MARCHF1: variants seen among roughly 807,000 people sequenced by gnomAD.
The protein encoded by MARCHF1 is E3 ubiquitin-protein ligase MARCHF1.
Under a neutral mutation model 54.2 loss-of-function variants are expected in MARCHF1, and 40 were observed. The ratio of observed to expected loss-of-function variants is 0.74; its 90% CI spans 0.57 to 0.96. The LOEUF is 0.96. Ranked by LOEUF, MARCHF1 falls within the 40% of genes least tolerant of loss-of-function variation. The pLI is 0.00. For missense variants in MARCHF1, 586 were observed against 656.5 expected (o/e 0.89, Z 1.17); for synonymous variants, 236 against 236.3 (o/e 1.00, Z 0.01).
At chr4:164,220,657 A>G (rs1436634600) in intron 1 of MARCHF1, among the ~76,000 whole-genome samples, 2 of 141,760 alleles carry the variant, frequency 1.4e-5, no homozygotes, top group African/African-American at 5.4e-5. Context: ...GCATATATGT[A>G]ATATATATGC....
chr4:163,947,089 G>C (rs1215223436), intron 3 of MARCHF1, among the ~76,000 whole-genome samples: 2 of 152,126 alleles, frequency 1.3e-5, no homozygotes, highest in Non-Finnish European at 1.5e-5. Context: ...GACTCAGCAA[G>C]TGTACATAGA....
At chr4:163,575,184 T>A (rs1304216152) in intron 8 of MARCHF1, among the ~76,000 whole-genome samples, 1 of 152,202 alleles carries the variant, frequency 6.6e-6, no homozygotes, top group Non-Finnish European at 1.5e-5. Context: ...TAGATGTAGA[T>A]GGCTCTTATT....
At chr4:163,978,836 C>G (rs1418620659) in intron 3 of MARCHF1, among the ~76,000 whole-genome samples, 1 of 152,016 alleles carries the variant, frequency 6.6e-6, no homozygotes, top group African/African-American at 2.4e-5. Context: ...AGCCTCCAAT[C>G]TCAAGCTCCC....
chr4:163,770,492 T>C (rs1244420090), intron 4 of MARCHF1, among the ~76,000 whole-genome samples: 1 of 151,034 alleles, frequency 6.6e-6, no homozygotes, highest in African/African-American at 2.4e-5. Context: ...CATAGAAGCA[T>C]AGTTGTTAGA....
At chr4:163,783,412 C>A (rs113840543) in intron 4 of MARCHF1, among the ~76,000 whole-genome samples, 2,436 of 152,192 alleles carry the variant, frequency 0.016, 56 homozygotes, top group African/African-American at 0.054. Flanking sequence ...TGGCTGTAGG[C>A]CGAGTTTAGG....
chr4:164,059,805 A>G lies in MARCHF1; in HGVS notation c.-248+51783T>C, dbSNP rs960996363. Among the ~76,000 whole-genome samples, 8 of 152,286 alleles carry G rather than the reference A, an allele frequency of 5.3e-5. No homozygotes were observed. The East Asian group carries it at 9.6e-4, about 18-fold the overall frequency. On this transcript the variant is annotated intron_variant, in intron 2 of 9. Transcript: ENST00000514618. ...GATTTATAATGGTCCGTGACATTTT[A>G]TACTTGTTTGAAATGAATAAATATT...
Position 163,894,671 on chromosome 4 carries a change from C to CAT in MARCHF1, c.-38-40504_-38-40503dup, listed in dbSNP as rs1269873416. ...GTGATGCATATATATGCATGTGATG[C>CAT]ATATATATGCATGTGATGCATATAT... is the stretch of plus-strand genomic sequence containing the variant. On this transcript the variant is annotated intron_variant, in intron 3 of 9. Transcript: ENST00000514618. 2.1e-3 allele frequency among the ~76,000 whole-genome samples: 2 copies of CAT among 940 alleles called. 1 individual carries two copies. The highest frequency in any genetic ancestry group is 0.077 in the South Asian group (2 of 26). The allele number at this position is 940 out of a possible 152,430, so 0.6% of individuals were successfully genotyped here.
intron 3 of MARCHF1, among the ~76,000 whole-genome samples, chr4:163,919,381 A>T (rs1751375592): frequency 6.6e-6 from 1 of 152,110 alleles, no homozygotes; most frequent in Non-Finnish European, 1.5e-5. Context: ...AAAGGGAAGT[A>T]AAAATGGAAC....
At chr4:163,985,601 T>C (rs1752847393) in intron 3 of MARCHF1, among the ~76,000 whole-genome samples, 1 of 152,210 alleles carries the variant, frequency 6.6e-6, no homozygotes, top group South Asian at 2.1e-4. Flanking sequence ...TTAACTATGA[T>C]TGACAGTTTT....
At chr4:163,917,201 G>A (rs1414050554) in intron 3 of MARCHF1, among the ~76,000 whole-genome samples, 2 of 152,078 alleles carry the variant, frequency 1.3e-5, no homozygotes, top group Admixed American at 6.6e-5. Context: ...TAGCAATAAC[G>A]AATAAACCCG....
At chr4:164,230,920 G>C (rs1351448458) in intron 1 of MARCHF1, among the ~76,000 whole-genome samples, 1 of 152,136 alleles carries the variant, frequency 6.6e-6, no homozygotes, top group Non-Finnish European at 1.5e-5. Flanking sequence ...TCCCCAGGAT[G>C]TCAAAATGTT....
intron 7 of MARCHF1, among the ~76,000 whole-genome samples, chr4:163,602,364 G>A (rs1741000630): frequency 6.6e-6 from 1 of 152,062 alleles, no homozygotes; most frequent in South Asian, 2.1e-4. Flanking sequence ...AATTATGTTA[G>A]TAATGTATTC....
At chr4:164,218,016 T>A (rs990306457) in intron 1 of MARCHF1, among the ~76,000 whole-genome samples, 1 of 152,022 alleles carries the variant, frequency 6.6e-6, no homozygotes, top group Non-Finnish European at 1.5e-5. Flanking sequence ...TTCTTTAAAA[T>A]ATTTTTAAGG....
At chr4:163,718,274 A>G (rs1485621925) in intron 4 of MARCHF1, among the ~76,000 whole-genome samples, 2 of 152,228 alleles carry the variant, frequency 1.3e-5, no homozygotes, top group Admixed American at 6.5e-5. Flanking sequence ...CACCAAAAGC[A>G]ATGGCAACAA....
chr4:163,751,440 C>G (rs1746518157), intron 4 of MARCHF1, among the ~76,000 whole-genome samples: 1 of 150,746 alleles, frequency 6.6e-6, no homozygotes, highest in Non-Finnish European at 1.5e-5. Context: ...ATCAAACCAC[C>G]ATTTTTTTTA....
At chr4:163,719,281 T>C (rs1745364694) in intron 4 of MARCHF1, among the ~76,000 whole-genome samples, 2 of 151,662 alleles carry the variant, frequency 1.3e-5, no homozygotes, top group Non-Finnish European at 2.9e-5. Context: ...ACATGCAGTG[T>C]TTGGTTTTTT....
chr4:163,685,183 CA>C (rs1485282793), intron 5 of MARCHF1, among the ~76,000 whole-genome samples: 1 of 151,528 alleles, frequency 6.6e-6, no homozygotes, highest in Non-Finnish European at 1.5e-5. Context: ...ACATTTCTGA[CA>C]AAAAATATCT....
intron 1 of MARCHF1, among the ~76,000 whole-genome samples, chr4:164,249,570 T>C (rs2111239522): frequency 6.6e-6 from 1 of 152,140 alleles, no homozygotes; most frequent in Non-Finnish European, 1.5e-5. Flanking sequence ...ATTTTGTAGA[T>C]ATCAGGGAAT....
At chr4:164,261,490 G>T (rs1430125820) in intron 1 of MARCHF1, among the ~76,000 whole-genome samples, 1 of 152,000 alleles carries the variant, frequency 6.6e-6, no homozygotes, top group South Asian at 2.1e-4. Context: ...GCTTCAATGG[G>T]CTTTTCCTTT....
Sources: allele counts gnomAD v4.1 joint callset (sites outside exome capture counted in the v4.1 genomes callset), GRCh38; gene constraint gnomAD v4.1.1; transcripts MANE v1.5; gene names NCBI Gene and HGNC (gene_info 2026-07-23, HGNC 2026-07-21).